ACSS1: variants seen among roughly 807,000 people sequenced by gnomAD.
ACSS1 encodes acyl-CoA synthetase short chain family member 1.
Under a neutral mutation model 75.3 loss-of-function variants are expected in ACSS1, and 42 were observed. The ratio of observed to expected loss-of-function variants is 0.56; its 90% confidence interval spans 0.44 to 0.72. The LOEUF is 0.72. Ranked by LOEUF, ACSS1 falls within the 30% of genes least tolerant of loss-of-function variation. The pLI, the probability that ACSS1 is intolerant of heterozygous loss-of-function variation, is 0.00. For missense variants in ACSS1, 782 were observed against 935.7 expected, an observed-to-expected ratio of 0.84 and a Z score of 2.14; for synonymous variants, 380 against 376.8, an observed-to-expected ratio of 1.01 and a Z score of -0.10.
intron 5 of ACSS1, 126 bp from the exon 6 acceptor site, chr20:25,021,662 A>C: frequency 8.2e-7 from 1 of 1,222,052 alleles, no homozygotes; most frequent in Non-Finnish European, 1.1e-6. Context: ...GGCTCCTCAA[A>C]TGGCCTCCAG....
intron 2 of ACSS1, chr20:25,046,490 G>A: frequency 2.7e-6 from 1 of 367,958 alleles, no homozygotes; most frequent in Non-Finnish European, 5.1e-6. Context: ...GCCTGCCCCA[G>A]GGTCCAGGCA....
chr20:25,012,906 G>T lies in ACSS1; in HGVS notation c.1613C>A (p.Thr538Asn). 1.9e-6 allele frequency: 3 copies of T among 1,614,200 alleles called. No homozygotes were observed. The South Asian group carries it at 3.3e-5, about 18-fold the overall frequency. The stretch of plus-strand genomic sequence containing the variant: ...TGTGATCTGGTAATAGCCGCCCTCA[G>T]TTCGGTAAGCCCCGTCTCCAGTGAA... The part of the protein sequence containing the change: ...YYFTGDGAYR[T>N]EGGYYQITGR... The change falls in exon 11 of 14, where the codon ACT becomes AAT. Residue 538 changes from threonine to asparagine, a missense_variant. Transcript: ENST00000323482.
chr20:25,008,161 C>T (rs1413223045), intron 13 of ACSS1, among the ~76,000 whole-genome samples: 1 of 152,192 alleles, frequency 6.6e-6, no homozygotes, highest in African/African-American at 2.4e-5. Context: ...CGATGCTCTC[C>T]GCCAGGCAGG....
At chr20:25,053,936 C>T (rs1257302002) in intron 1 of ACSS1, among the ~76,000 whole-genome samples, 2 of 152,246 alleles carry the variant, frequency 1.3e-5, no homozygotes, top group East Asian at 1.9e-4. Flanking sequence ...TTTACAACTT[C>T]CTGACATCTT....
intron 1 of ACSS1, among the ~76,000 whole-genome samples, chr20:25,052,028 G>A (rs1296148152): frequency 6.6e-6 from 1 of 152,154 alleles, no homozygotes; most frequent in Non-Finnish European, 1.5e-5. Flanking sequence ...GACCACACAG[G>A]CACCTGAAGA....
At chr20:25,047,642 A>G (rs35022349) in intron 2 of ACSS1, among the ~76,000 whole-genome samples, 7,654 of 152,164 alleles carry the variant, frequency 0.05, 634 homozygotes, top group African/African-American at 0.17. Flanking sequence ...TGTAAGGGTA[A>G]GGTGAGCTTC....
intron 7 of ACSS1, among the ~76,000 whole-genome samples, chr20:25,015,705 G>C (rs961919251): frequency 6.6e-6 from 1 of 152,186 alleles, no homozygotes; most frequent in Non-Finnish European, 1.5e-5. Context: ...GGTCATCAAA[G>C]AAATGCACAT....
chr20:25,031,991 G>T (rs1430240382), intron 2 of ACSS1, among the ~76,000 whole-genome samples: 2 of 152,220 alleles, frequency 1.3e-5, no homozygotes, highest in East Asian at 3.8e-4. Flanking sequence ...AGTTGGGAGT[G>T]AAGACCGCAA....
chr20:25,031,186 G>A (rs1364657944), intron 2 of ACSS1: 2 of 635,278 alleles, frequency 3.1e-6, no homozygotes, highest in East Asian at 3.0e-5. Context: ...TTGCTAGGGT[G>A]ACAAGGCTAT....
At chr20:25,037,032 A>G (rs79644775) in intron 2 of ACSS1, among the ~76,000 whole-genome samples, 2,114 of 98,756 alleles carry the variant, frequency 0.021, 21 homozygotes, top group African/African-American at 0.025. Flanking sequence ...AAGGAAGGAA[A>G]GAAAGAAAGA....
At chr20:25,032,102 G>T (rs985621130) in intron 2 of ACSS1, among the ~76,000 whole-genome samples, 2 of 152,150 alleles carry the variant, frequency 1.3e-5, no homozygotes, top group African/African-American at 4.8e-5. Context: ...CAAGGGGAAG[G>T]GAAAGCACTG....
At chr20:25,050,246 C>G (rs2089157181) in intron 1 of ACSS1, among the ~76,000 whole-genome samples, 1 of 152,144 alleles carries the variant, frequency 6.6e-6, no homozygotes, top group Non-Finnish European at 1.5e-5. Flanking sequence ...CCATGGACTT[C>G]TGGCTTCTGA....
rs2122589024 is a variant in ACSS1, at chr20:25,012,424, C to T, written c.1771+177G>A. The T allele has an allele frequency of 1.5e-5, 11 of 745,226 alleles. No individual in the cohort carries two copies. In the South Asian group the frequency reaches 1.9e-4, roughly 13 times the overall value. 46.2% of individuals were successfully genotyped at this position (745,226 alleles called of 1,614,324 possible). ...AGGGCATTTCAGAAACCCGACCGAA[C>T]ACGAGTGCTATTCAGCCTCCTCCCC... On this transcript the variant is annotated intron_variant, in intron 12 of 13. Coordinates refer to ENST00000323482, the MANE Select transcript of ACSS1 (RefSeq NM_032501.4).
In ACSS1 at chr20:25,027,101, T is replaced by G. The variant is rs527277538; in HGVS notation, c.632-3460A>C. On this transcript the variant is annotated intron_variant, in intron 3 of 13. Transcript: ENST00000323482. ...GTGTTCAACTCCTGGCTCTGTCACT[T>G]ACTAGGTATGTGACCTTAGGTAAGT... 2.6e-5 allele frequency among the ~76,000 whole-genome samples: 4 copies of G among 152,356 alleles called. No homozygotes were observed. In the East Asian group the frequency reaches 7.7e-4, roughly 29 times the overall value.
At chr20:25,035,188 C>T (rs2088889956) in intron 2 of ACSS1, among the ~76,000 whole-genome samples, 1 of 152,122 alleles carries the variant, frequency 6.6e-6, no homozygotes, top group Non-Finnish European at 1.5e-5. Context: ...AGCCACCGCA[C>T]CCGGCCGACC....
chr20:25,050,442 CT>C (rs1259106755), intron 1 of ACSS1, among the ~76,000 whole-genome samples: 2 of 152,086 alleles, frequency 1.3e-5, no homozygotes, highest in African/African-American at 4.8e-5. Context: ...CCCAGACCTG[CT>C]GAGTCCCAAC....
At chr20:25,044,539 GGAGGTCAAGGCTACAGTGA>G (rs1196307272) in intron 2 of ACSS1, among the ~76,000 whole-genome samples, 1 of 152,176 alleles carries the variant, frequency 6.6e-6, no homozygotes, top group Admixed American at 6.5e-5. Context: ...CTTGAGCCCG[GGAGGTCAAGGCTACAGTGA>G]GTTGTGACAG....
intron 2 of ACSS1, among the ~76,000 whole-genome samples, chr20:25,045,484 C>T (rs2089073422): frequency 2.0e-5 from 3 of 152,232 alleles, no homozygotes; most frequent in Non-Finnish European, 4.4e-5. Context: ...GATTGTAACA[C>T]ACAGACTTCC....
chr20:25,043,417 C>T (rs1288983966), intron 2 of ACSS1, among the ~76,000 whole-genome samples: 1 of 152,254 alleles, frequency 6.6e-6, no homozygotes, highest in Non-Finnish European at 1.5e-5. Flanking sequence ...GCAGCTCCCT[C>T]TGCCTAGGGT....
Sources: allele counts gnomAD v4.1 joint callset (sites outside exome capture counted in the v4.1 genomes callset), GRCh38; gene constraint gnomAD v4.1.1; transcripts MANE v1.5; gene names NCBI Gene and HGNC (gene_info 2026-07-23, HGNC 2026-07-21).